TRPV3: variants seen among roughly 807,000 people sequenced by gnomAD.
TRPV3 encodes transient receptor potential cation channel subfamily V member 3.
TRPV3 carries 88 observed loss-of-function variants against 87.1 expected under a neutral mutation model. The observed-to-expected ratio is 1.01, with a 90% CI of 0.85 to 1.21. TRPV3 has a LOEUF of 1.21. Ranked by LOEUF, TRPV3 falls within the 50% of genes most tolerant of loss-of-function variation. TRPV3 has a pLI of 0.00. For synonymous variants in TRPV3, 438 were observed against 423.3 expected (o/e 1.03, Z -0.43); for missense variants, 1,054 against 1,030.1 (o/e 1.02, Z -0.32).
chr17:3,530,277 GC>G lies in TRPV3; in HGVS notation c.1066-75del. ...GCCAACAGGGCTGGACCAGCCAGAG[GC>G]TGGCTGGGCCCAGGGGATACACCCG... On this transcript the variant is annotated intron_variant, in intron 8 of 17. Transcript: ENST00000576742. This position sits in a 1 kb window ranked among gnomAD's most constrained non-coding sequence, Gnocchi z 4.0. The G allele has an allele frequency of 1.4e-6, 2 of 1,474,604 alleles. No individual in the cohort carries two copies. 91.3% of individuals were successfully genotyped at this position (1,474,604 alleles called of 1,614,324 possible).
chr17:3,524,971 T>A (rs1319858021), intron 12 of TRPV3, among the ~76,000 whole-genome samples: 1 of 152,042 alleles, frequency 6.6e-6, no homozygotes, highest in Non-Finnish European at 1.5e-5. Context: ...TAAAAGCCAA[T>A]CATAGCAAAA....
chr17:3,517,310 A>G (rs2074191501), intron 15 of TRPV3, among the ~76,000 whole-genome samples: 1 of 150,884 alleles, frequency 6.6e-6, no homozygotes, highest in African/African-American at 2.4e-5. Context: ...CTTGAATAGC[A>G]TCAACAAACC....
intron 16 of TRPV3, among the ~76,000 whole-genome samples, chr17:3,516,230 G>A (rs8080449): frequency 0.16 from 24,164 of 151,946 alleles, 2,833 homozygotes; most frequent in East Asian, 0.57. Context: ...GAGGGGAGCC[G>A]CTGTTGGCAG....
At chr17:3,549,714 G>A (rs1163452757) in intron 2 of TRPV3, among the ~76,000 whole-genome samples, 3 of 151,650 alleles carry the variant, frequency 2.0e-5, no homozygotes, top group Admixed American at 2.0e-4. Flanking sequence ...TGGATGGATG[G>A]ATGGATGGAT....
In TRPV3 at chr17:3,544,566, G is replaced by A; in HGVS notation, c.311+13C>T. 1.3e-6 allele frequency: 2 copies of A among 1,569,874 alleles called. No homozygotes were observed. The highest frequency in any genetic ancestry group is 1.7e-4 in the Middle Eastern group (1 of 5,920). On this transcript the variant is annotated intron_variant, in intron 4 of 17. Transcript: ENST00000576742. The stretch of plus-strand genomic sequence containing the variant: ...GGTGGGCACAGTGGGTGGAGGGGGA[G>A]GGGCAGACTTACCTGGGGCTGTTGG...
rs887174678 is a variant in TRPV3 at position 3,513,828 on chromosome 17, A to G, written c.*89T>C. On this transcript the variant is annotated 3_prime_UTR_variant, in exon 18 of 18. Coordinates refer to ENST00000576742, the MANE Select transcript of TRPV3 (RefSeq NM_145068.4). ...TTCTAGGCCAGCAGAGCCGGACTCC[A>G]CCATCCCTCAAAGCCTCTCTGCACA... The G allele has an allele frequency of 3.5e-6, 4 of 1,142,618 alleles. No homozygotes were observed. Among genetic ancestry groups the G allele is most frequent in the African/African-American group, 1.6e-5 (1 of 63,400 alleles). 70.8% of individuals were successfully genotyped at this position (1,142,618 alleles called of 1,614,324 possible).
At chr17:3,533,223 C>T (rs557822171) in intron 7 of TRPV3, among the ~76,000 whole-genome samples, 142 of 152,304 alleles carry the variant, frequency 9.3e-4, no homozygotes, top group Middle Eastern at 3.4e-3. Flanking sequence ...GTTCCAATGA[C>T]AGCCCACAAA....
chr17:3,539,085 G>A (rs1451825218), intron 6 of TRPV3, among the ~76,000 whole-genome samples: 2 of 152,248 alleles, frequency 1.3e-5, no homozygotes, highest in African/African-American at 4.8e-5. Context: ...AATTGCAGAC[G>A]AATCTGGTGA....
Position 3,528,193 on chromosome 17 carries a change from A to G in TRPV3, c.1402-67T>C. ...AGGACAGGGCTGGCACCAACTCTAG[A>G]GGGACCAAAACCCAGGTGAAACACT... is the stretch of plus-strand genomic sequence containing the variant. On this transcript the variant is annotated intron_variant, in intron 10 of 17. Transcript: ENST00000576742. The surrounding 1 kb of genome is among the most constrained non-coding windows in gnomAD (Gnocchi z 4.2). 1.6e-6 allele frequency: 2 copies of G among 1,271,478 alleles called. No homozygotes were observed. Among genetic ancestry groups the G allele is most frequent in the Non-Finnish European group, 1.1e-6 (1 of 914,074 alleles). The allele number at this position is 1,271,478 out of a possible 1,614,324, so 78.8% of individuals were successfully genotyped here.
At position 3,544,630 on chromosome 17, in the gene TRPV3, TG is replaced by T. The variant is rs911130511; in HGVS notation, c.259del (p.Gln87SerfsTer7). On this transcript the variant is annotated frameshift_variant, in exon 4 of 18. Coordinates refer to ENST00000576742, the MANE Select transcript of TRPV3 (RefSeq NM_145068.4). LOFTEE classifies it high-confidence loss of function. ...CTCTGTCACATCATCCTGAGGAGAC[TG>T]GGGGGAGTCCATGTCATCACAGTTA... ...SGNCDDMDSP[Q>X]SPQDDVTETP... 4 of 1,608,622 alleles carry T rather than the reference TG, an allele frequency of 2.5e-6. No homozygotes were observed. In the Admixed American group the frequency reaches 5.0e-5, roughly 20 times the overall value.
In TRPV3 at chr17:3,543,545, A is replaced by G. The variant is rs139870087; in HGVS notation, c.395T>C (p.Val132Ala). The G allele has an allele frequency of 2.0e-3, 3,190 of 1,613,958 alleles. 68 individuals are homozygous for G. The South Asian group carries it at 0.033, about 17-fold the overall frequency. The change falls in exon 5 of 18, where the codon GTG becomes GCG. Residue 132 changes from valine to alanine, a missense_variant. Transcript: ENST00000576742. ...RIFAAVSEGC[V>A]EELVELLVEL... ...CACCAGCAACTCTACCAACTCCTCC[A>G]CGCAGCCCTCAGACACGGCTGCAAA...
At chr17:3,529,875 G>C in intron 9 of TRPV3, 152 bp downstream of exon 9, 1 of 797,642 alleles carries the variant, frequency 1.3e-6, no homozygotes, top group Non-Finnish European at 1.8e-6. Flanking sequence ...CCTTTTCTGT[G>C]CCTGACTCTG....
rs369222887 is a variant in TRPV3 at position 3,544,594 on chromosome 17, T to C, written c.296A>G (p.Asn99Ser). 2.1e-5 allele frequency: 33 copies of C among 1,604,942 alleles called. No homozygotes were observed. Among genetic ancestry groups the C allele is most frequent in the Non-Finnish European group, 2.6e-5 (31 of 1,177,442 alleles). The change falls in exon 4 of 18, where the codon AAT becomes AGT. Residue 99 changes from asparagine (N) to serine (S), a missense_variant. Coordinates refer to ENST00000576742, the MANE Select transcript of TRPV3 (RefSeq NM_145068.4). ...PQDDVTETPS[N>S]PNSPSAQLAK... Reference sequence around the variant, plus strand: ...GCAGACTTACCTGGGGCTGTTGGGATTGGATGGGGTCTCTGTCACATCATC... The same window carrying C: ...GCAGACTTACCTGGGGCTGTTGGGACTGGATGGGGTCTCTGTCACATCATC...
At chr17:3,537,027 C>A (rs1471232731) in intron 6 of TRPV3, among the ~76,000 whole-genome samples, 1 of 152,146 alleles carries the variant, frequency 6.6e-6, no homozygotes, top group Non-Finnish European at 1.5e-5. Flanking sequence ...GTAGGGAAGA[C>A]CTTCTTAAGC....
chr17:3,516,498 C>G lies in TRPV3; in HGVS notation c.2157G>C (p.Glu719Asp). ...AATCATCCTCGGCCACTTTGCACAGCTCTCCCATCCGGAATCTGCTCCTCA... is the reference window on the plus strand; with the variant it reads ...AATCATCCTCGGCCACTTTGCACAGGTCTCCCATCCGGAATCTGCTCCTCA... ...EWLRSRFRMG[E>D]LCKVAEDDFR... Residue 719 changes from glutamate (E) to aspartate (D), a missense_variant, in exon 16 of 18, where the codon GAG becomes GAC. By Grantham distance (45) the Glu-to-Asp change is conservative. Coordinates refer to ENST00000576742, the MANE Select transcript of TRPV3 (RefSeq NM_145068.4). 1 of 1,614,154 alleles carries G rather than the reference C, an allele frequency of 6.2e-7. No homozygotes were observed. The highest frequency in any genetic ancestry group is 1.7e-4 in the Middle Eastern group (1 of 6,060).
intron 11 of TRPV3, 62 bp from the exon 12 acceptor site, chr17:3,526,989 C>A: frequency 2.2e-6 from 3 of 1,351,618 alleles, no homozygotes; most frequent in Middle Eastern, 2.0e-4. Context: ...GGGAGCTGAG[C>A]AGAGGGTGCT....
At position 3,513,908 on chromosome 17, in the gene TRPV3, GTTCCGCTTCTACACCGAGGT is replaced by G; in HGVS notation, c.2362_*8del. The G allele has an allele frequency of 6.2e-7, 1 of 1,612,580 alleles. No individual in the cohort carries two copies. Among genetic ancestry groups the G allele is most frequent in the Non-Finnish European group, 8.5e-7 (1 of 1,178,678 alleles). ...CAGCGCACGCGCACACCAGCTCTGGGTTCCGCTTCTACACCGAGGTTTCCGGGAATTCCTCGACTTCTTCA... is the reference window on the plus strand; with the variant it reads ...CAGCGCACGCGCACACCAGCTCTGGGTTCCGGGAATTCCTCGACTTCTTCA... On this transcript the variant is annotated stop_lost and 3_prime_UTR_variant, in exon 18 of 18. Coordinates refer to ENST00000576742, the MANE Select transcript of TRPV3 (RefSeq NM_145068.4).
At chr17:3,522,820 C>CAA (rs772785322) in intron 13 of TRPV3, among the ~76,000 whole-genome samples, 1 of 64,736 alleles carries the variant, frequency 1.5e-5, no homozygotes, top group African/African-American at 5.1e-5. Context: ...CAGTCACAAA[C>CAA]AAAAAAAAAA....
intron 6 of TRPV3, among the ~76,000 whole-genome samples, chr17:3,537,473 G>C (rs2074417980): frequency 6.6e-6 from 1 of 152,098 alleles, no homozygotes; most frequent in African/African-American, 2.4e-5. Context: ...ATCTTGCTGT[G>C]TTGCCCAGGC....
Sources: allele counts gnomAD v4.1 joint callset (sites outside exome capture counted in the v4.1 genomes callset), GRCh38; gene constraint gnomAD v4.1.1; non-coding constraint Gnocchi (gnomAD v3.1); transcripts MANE v1.5; gene names NCBI Gene and HGNC (gene_info 2026-07-23, HGNC 2026-07-21).